Variants in STIM2 observed in about 807,000 individuals in gnomAD.
The protein encoded by STIM2 is stromal interaction molecule 2.
In STIM2, 31 loss-of-function variants were observed where a neutral mutation model predicts 85.8. That is an observed-to-expected ratio of 0.36 (90% CI 0.27 to 0.49). The LOEUF (loss-of-function observed/expected upper bound fraction) is 0.49, where lower values mean the gene tolerates loss of function less well. Ranked by LOEUF, STIM2 falls within the 20% of genes least tolerant of loss-of-function variation. The pLI is 0.98. For missense variants in STIM2, 841 were observed against 927.6 expected (o/e 0.91, Z 1.21); for synonymous variants, 356 against 331.1 (o/e 1.08, Z -0.82).
intron 7 of STIM2, among the ~76,000 whole-genome samples, chr4:27,006,341 T>G (rs1343791822): frequency 1.3e-5 from 2 of 152,226 alleles, no homozygotes; most frequent in Non-Finnish European, 2.9e-5. Context: ...CTTGTTGGTT[T>G]ATTCTGGCAC....
At chr4:26,980,634 C>G (rs1727347775) in intron 3 of STIM2, among the ~76,000 whole-genome samples, 1 of 152,064 alleles carries the variant, frequency 6.6e-6, no homozygotes, top group Non-Finnish European at 1.5e-5. Context: ...GTTGTAAATT[C>G]TAGCCCATAA....
intron 11 of STIM2, chr4:27,020,887 G>A: frequency 1.1e-6 from 1 of 898,064 alleles, no homozygotes; most frequent in Admixed American, 2.1e-5. Flanking sequence ...ATGTGCTCTT[G>A]CCTTTCTGTT....
In STIM2 at chr4:26,982,123, T is replaced by C. The variant is rs77800881; in HGVS notation, c.398-13256T>C. ...TAACTTTTTGAATTCCATCATTCCT[T>C]CTACTTACTAGTTGGCGTTCTACTA... On this transcript the variant is annotated intron_variant, in intron 3 of 11. Coordinates refer to ENST00000467087, the MANE Select transcript of STIM2 (RefSeq NM_020860.4). Among the ~76,000 whole-genome samples, 541 of 152,290 alleles carry C rather than the reference T, an allele frequency of 3.6e-3. 5 individuals carry two copies. Among genetic ancestry groups the C allele is most frequent in the African/African-American group, 0.013 (524 of 41,560 alleles).
At chr4:26,879,419 C>T (rs1039238186) in intron 1 of STIM2, among the ~76,000 whole-genome samples, 1 of 151,558 alleles carries the variant, frequency 6.6e-6, no homozygotes, top group Non-Finnish European at 1.5e-5. Context: ...GGATATTATA[C>T]CATTTCTTTT....
chr4:26,964,896 G>T (rs1331666359), intron 3 of STIM2, among the ~76,000 whole-genome samples: 1 of 152,120 alleles, frequency 6.6e-6, no homozygotes, highest in Non-Finnish European at 1.5e-5. Context: ...AAAGCCAGAC[G>T]AGCTGCATTA....
intron 1 of STIM2, among the ~76,000 whole-genome samples, chr4:26,885,384 T>C (rs998325126): frequency 6.6e-6 from 1 of 152,140 alleles, no homozygotes; most frequent in African/African-American, 2.4e-5. Flanking sequence ...GTATGTGCCT[T>C]TGCCTAAGGT....
chr4:26,889,078 A>T (rs533925506), intron 1 of STIM2, among the ~76,000 whole-genome samples: 1 of 152,298 alleles, frequency 6.6e-6, no homozygotes, highest in African/African-American at 2.4e-5. Context: ...AAGGTTAAAG[A>T]ATAGGCAACA....
At chr4:26,952,509 T>C (rs1248563273) in intron 2 of STIM2, among the ~76,000 whole-genome samples, 1 of 152,110 alleles carries the variant, frequency 6.6e-6, no homozygotes, top group Non-Finnish European at 1.5e-5. Flanking sequence ...TTTTTGCACT[T>C]CATGTGAAAT....
intron 1 of STIM2, among the ~76,000 whole-genome samples, chr4:26,875,881 G>A (rs1196541184): frequency 3.3e-5 from 5 of 152,146 alleles, no homozygotes; most frequent in Admixed American, 1.3e-4. Flanking sequence ...AATCATTTGC[G>A]TGTTCTGAAT....
chr4:26,882,809 C>T (rs986611320), intron 1 of STIM2, among the ~76,000 whole-genome samples: 6 of 150,480 alleles, frequency 4.0e-5, no homozygotes, highest in African/African-American at 1.5e-4. Context: ...CAGGTGCTAT[C>T]TGTGTGTCTT....
chr4:26,891,515 T>G (rs1219792020), intron 1 of STIM2, among the ~76,000 whole-genome samples: 3 of 150,742 alleles, frequency 2.0e-5, no homozygotes, highest in African/African-American at 4.9e-5. Flanking sequence ...ATATGTGTGT[T>G]TGTGCATGTA....
At chr4:26,888,790 T>C (rs1008317510) in intron 1 of STIM2, among the ~76,000 whole-genome samples, 2 of 152,204 alleles carry the variant, frequency 1.3e-5, no homozygotes, top group South Asian at 4.1e-4. Context: ...CCGGACTTAG[T>C]CTTTTAATCA....
chr4:27,023,068 C>CT lies in STIM2; in HGVS notation c.*80dup, dbSNP rs57080528. 1,448 of 1,422,698 alleles carry CT rather than the reference C, an allele frequency of 1.0e-3. 10 individuals are homozygous for CT. In the African/African-American group the frequency reaches 0.016, roughly 16 times the overall value. 88.1% of individuals were successfully genotyped at this position (1,422,698 alleles called of 1,614,324 possible). ...TTATCCCCCACCCTCCACTCCCCAC[C>CT]TTTTTTTTGGTTTAATTTTAGGAAT... On this transcript the variant is annotated 3_prime_UTR_variant, in exon 12 of 12. Transcript: ENST00000467087.
At chr4:26,902,202 G>A (rs897409039) in intron 1 of STIM2, among the ~76,000 whole-genome samples, 29 of 152,138 alleles carry the variant, frequency 1.9e-4, no homozygotes, top group African/African-American at 6.3e-4. Flanking sequence ...GGAACACTTC[G>A]GGAGAAGGGA....
At chr4:26,974,049 A>T (rs1727082540) in intron 3 of STIM2, among the ~76,000 whole-genome samples, 1 of 152,144 alleles carries the variant, frequency 6.6e-6, no homozygotes, top group African/African-American at 2.4e-5. Context: ...AGAGACTAGG[A>T]TTGCAACTGC....
Position 26,919,557 on chromosome 4 carries a change from C to A in STIM2, c.205C>A (p.Leu69Met). ...CTTTACAGAAGAAGACAGATTTAGTCTGGAAGCTCTTCAAACAATACATAA... is the reference window on the plus strand; with the variant it reads ...CTTTACAGAAGAAGACAGATTTAGTATGGAAGCTCTTCAAACAATACATAA... The change falls in exon 2 of 12, where the codon CTG becomes ATG. Residue 69 changes from leucine to methionine, a missense_variant. This residue lies in a region of STIM2 where 140 missense variants were observed against 117.7 expected (regional missense o/e 1.19). Transcript: ENST00000467087. The A allele has an allele frequency of 6.2e-7, 1 of 1,613,666 alleles. No homozygotes were observed. Among genetic ancestry groups the A allele is most frequent in the Admixed American group, 1.7e-5 (1 of 59,982 alleles).
intron 2 of STIM2, among the ~76,000 whole-genome samples, chr4:26,947,378 A>T (rs1725872081): frequency 2.6e-5 from 4 of 152,230 alleles, no homozygotes; most frequent in African/African-American, 9.6e-5. Context: ...GAAACGTATT[A>T]CATTTTATTT....
At chr4:26,928,670 C>G in intron 2 of STIM2, among the ~76,000 whole-genome samples, 1 of 152,104 alleles carries the variant, frequency 6.6e-6, no homozygotes, top group East Asian at 1.9e-4. Context: ...CAGCGTTTAT[C>G]AGATATTAAA....
intron 10 of STIM2, among the ~76,000 whole-genome samples, chr4:27,014,909 T>G (rs547634892): frequency 6.6e-6 from 1 of 152,130 alleles, no homozygotes; most frequent in South Asian, 2.1e-4. Flanking sequence ...TTTATAGTTA[T>G]GTGGACACTG....
Sources: allele counts gnomAD v4.1 joint callset (sites outside exome capture counted in the v4.1 genomes callset), GRCh38; gene constraint gnomAD v4.1.1; regional missense constraint gnomAD v4.1.1; transcripts MANE v1.5; gene names NCBI Gene and HGNC (gene_info 2026-07-23, HGNC 2026-07-21).